The following DSE variants were observed in gnomAD, a reference collection of about 807,000 sequenced individuals.
DSE encodes dermatan sulfate epimerase, also known as dermatan-sulfate epimerase.
DSE carries 36 observed loss-of-function variants against 84.4 expected under a neutral mutation model. That is an observed-to-expected ratio of 0.43 (90% CI 0.33 to 0.56). The LOEUF (loss-of-function observed/expected upper bound fraction) is 0.56. DSE is among the 20% of genes least tolerant of loss of function. The pLI is 0.06. For synonymous variants in DSE, 410 were observed against 430.1 expected (o/e 0.95, Z 0.58); for missense variants, 862 against 1,169.6 (o/e 0.74, Z 3.84).
chr6:116,279,361 G>C (rs1773341426), intron 2 of DSE: 1 of 1,611,770 alleles, frequency 6.2e-7, no homozygotes, highest in East Asian at 2.2e-5. Context: ...GCACTTTCCT[G>C]TCTTCACCTC....
At chr6:116,338,626 C>T (rs1012812867) in intron 2 of DSE, among the ~76,000 whole-genome samples, 6 of 152,110 alleles carry the variant, frequency 3.9e-5, no homozygotes, top group Admixed American at 2.6e-4. Flanking sequence ...TTGGCTTAGG[C>T]GCAGAGAGAG....
At chr6:116,363,498 G>T (rs1435564015) in intron 2 of DSE, among the ~76,000 whole-genome samples, 1 of 151,758 alleles carries the variant, frequency 6.6e-6, no homozygotes, top group Non-Finnish European at 1.5e-5. Context: ...TATAATAACA[G>T]GAAATTCAGA....
intron 2 of DSE, among the ~76,000 whole-genome samples, chr6:116,265,811 A>G (rs1174353788): frequency 6.6e-6 from 1 of 152,150 alleles, no homozygotes; most frequent in Non-Finnish European, 1.5e-5. Context: ...AACATCTCCT[A>G]TGTGAGCAAG....
At chr6:116,295,689 A>G (rs1774620848) in intron 2 of DSE, among the ~76,000 whole-genome samples, 1 of 152,178 alleles carries the variant, frequency 6.6e-6, no homozygotes, top group South Asian at 2.1e-4. Flanking sequence ...GCATCACTAA[A>G]CCCTGGAAGA....
chr6:116,373,118 G>A (rs747156118), intron 1 of DSE, among the ~76,000 whole-genome samples: 5 of 151,402 alleles, frequency 3.3e-5, no homozygotes, highest in Non-Finnish European at 7.4e-5. Context: ...ACTTTGGTAG[G>A]CCGAGGCAGG....
At chr6:116,303,456 G>C (rs554555552) in intron 2 of DSE, among the ~76,000 whole-genome samples, 22 of 152,262 alleles carry the variant, frequency 1.4e-4, no homozygotes, top group African/African-American at 5.3e-4. Context: ...TGTATGTCAA[G>C]TACATAGTGT....
chr6:116,258,963 G>C, exon 2 of DSE: 3 of 1,492,384 alleles, frequency 2.0e-6, no homozygotes, highest in Non-Finnish European at 2.8e-6. Flanking sequence ...ACCCTGCACT[G>C]TGAGGTAGGT....
At chr6:116,309,917 A>AT (rs1775580222) in intron 2 of DSE, among the ~76,000 whole-genome samples, 1 of 152,140 alleles carries the variant, frequency 6.6e-6, no homozygotes, top group South Asian at 2.1e-4. Flanking sequence ...GTACTGTTGT[A>AT]TTGAGGATTA....
At chr6:116,258,446 G>C (rs544025221) in exon 2 of DSE, 2 of 828,598 alleles carry the variant, frequency 2.4e-6, no homozygotes, top group African/African-American at 3.3e-5. Flanking sequence ...TTTTTGGTAG[G>C]GCTGCCCTGA....
intron 4 of DSE, 41 bp downstream of exon 4, chr6:116,431,234 GT>G (rs746407765): frequency 6.2e-7 from 1 of 1,601,078 alleles, no homozygotes; most frequent in East Asian, 2.2e-5. Context: ...TTAAACTATT[GT>G]AATTTTTTCT....
chr6:116,284,093 C>G (rs1490301824), intron 2 of DSE, among the ~76,000 whole-genome samples: 2 of 152,096 alleles, frequency 1.3e-5, no homozygotes, highest in Admixed American at 1.3e-4. Context: ...TAATACAGTT[C>G]TATGGGAAAA....
At chr6:116,263,550 T>C (rs1332300747) in intron 2 of DSE, among the ~76,000 whole-genome samples, 1 of 152,212 alleles carries the variant, frequency 6.6e-6, no homozygotes, top group Non-Finnish European at 1.5e-5. Context: ...TCTTGATTCT[T>C]TATCCAGCTT....
Position 116,393,434 on chromosome 6 carries a change from A to G in DSE, c.-53-5764A>G, listed in dbSNP as rs538504754. Among the ~76,000 whole-genome samples, 4 of 152,318 alleles carry G rather than the reference A, an allele frequency of 2.6e-5. No homozygotes were observed. The South Asian group carries it at 8.3e-4, about 32-fold the overall frequency. Reference sequence around the variant, plus strand: ...CTTATATTTTTACCTGTAAAGTATGAAGATTTAGTTTCTTTCAAATAAAAT... The same window carrying G: ...CTTATATTTTTACCTGTAAAGTATGGAGATTTAGTTTCTTTCAAATAAAAT... On this transcript the variant is annotated intron_variant, in intron 1 of 5. Transcript: ENST00000644252.
At chr6:116,322,283 G>A (rs1416996998) in intron 2 of DSE, among the ~76,000 whole-genome samples, 7 of 152,052 alleles carry the variant, frequency 4.6e-5, no homozygotes, top group East Asian at 1.9e-4. Context: ...GTGTGGCGCC[G>A]GGCTGTCTGC....
chr6:116,327,000 T>C (rs951661872), intron 2 of DSE, among the ~76,000 whole-genome samples: 2 of 152,182 alleles, frequency 1.3e-5, no homozygotes, highest in Non-Finnish European at 2.9e-5. Flanking sequence ...GTTGTTGGGG[T>C]CATTTGTATG....
intron 2 of DSE, among the ~76,000 whole-genome samples, chr6:116,320,031 G>A (rs1776207426): frequency 6.6e-6 from 1 of 152,206 alleles, no homozygotes; most frequent in Admixed American, 6.5e-5. Flanking sequence ...GATATAAGCT[G>A]TGTCTGTTTA....
rs1391689219 is a variant in DSE at position 116,437,436 on chromosome 6, T to C, written c.*91T>C. The C allele has an allele frequency of 1.1e-5, 13 of 1,198,882 alleles. No homozygotes were observed. Among genetic ancestry groups the C allele is most frequent in the South Asian group, 5.5e-5 (3 of 54,180 alleles). 74.3% of individuals were successfully genotyped at this position (1,198,882 alleles called of 1,614,324 possible). A position where few individuals can be genotyped will look rare whatever the true frequency, so the allele number is the denominator to read the frequency against. ...TTTACCCCAGATTATCAGATTTTTT[T>C]CCCTCAGATTCATTTTAACAAATTA... On this transcript the variant is annotated 3_prime_UTR_variant, in exon 6 of 6. Coordinates refer to ENST00000644252, the MANE Select transcript of DSE (RefSeq NM_013352.4).
At chr6:116,428,933 A>G (rs3777987) in intron 3 of DSE, among the ~76,000 whole-genome samples, 1 of 152,328 alleles carries the variant, frequency 6.6e-6, no homozygotes, top group East Asian at 1.9e-4. Flanking sequence ...AGTACCTTGT[A>G]TTCACAGAGA....
intron 2 of DSE, among the ~76,000 whole-genome samples, chr6:116,425,824 G>A (rs1042706871): frequency 5.9e-5 from 9 of 151,950 alleles, no homozygotes; most frequent in East Asian, 1.9e-4. Context: ...GGGTTTCACC[G>A]TGTTAGCCAA....
Sources: gnomAD v4.1 joint callset for allele counts (sites outside exome capture counted in the v4.1 genomes callset) on GRCh38, gnomAD v4.1.1 for gene constraint, MANE v1.5 for transcripts, NCBI Gene and HGNC (gene_info 2026-07-23, HGNC 2026-07-21) for gene names.